Variants in SLC25A21 observed in about 807,000 individuals in gnomAD.
SLC25A21 encodes the protein solute carrier family 25 member 21, also known as mitochondrial 2-oxodicarboxylate carrier.
In SLC25A21, 47 loss-of-function variants were observed where a neutral mutation model predicts 43.8. That is an observed-to-expected ratio of 1.07 (90% CI 0.85 to 1.37). The LOEUF (loss-of-function observed/expected upper bound fraction) is 1.37. Ranked by LOEUF, SLC25A21 falls within the 40% of genes most tolerant of loss-of-function variation. SLC25A21 has a pLI of 0.00. For synonymous variants in SLC25A21, 131 were observed against 121.3 expected, an observed-to-expected ratio of 1.08 and a Z score of -0.52; for missense variants, 352 against 350.2, an observed-to-expected ratio of 1.00 and a Z score of -0.04.
intron 9 of SLC25A21, among the ~76,000 whole-genome samples, chr14:36,681,633 C>T (rs1379423410): frequency 2.7e-5 from 4 of 150,094 alleles, no homozygotes; most frequent in South Asian, 4.2e-4. Flanking sequence ...ATCCTGAACA[C>T]AACTTAGAGA....
intron 1 of SLC25A21, among the ~76,000 whole-genome samples, chr14:36,906,797 C>T (rs1212723317): frequency 2.0e-5 from 3 of 152,100 alleles, no homozygotes; most frequent in African/African-American, 7.2e-5. Flanking sequence ...GCCACCATGC[C>T]CGGCTGGGAA....
chr14:36,926,660 T>C (rs1467503203), intron 1 of SLC25A21, among the ~76,000 whole-genome samples: 1 of 152,148 alleles, frequency 6.6e-6, no homozygotes, highest in Admixed American at 6.6e-5. Context: ...TCAGTACATT[T>C]GGAAGAAATT....
intron 1 of SLC25A21, among the ~76,000 whole-genome samples, chr14:37,100,925 T>A (rs2138864230): frequency 6.6e-6 from 1 of 152,332 alleles, no homozygotes; most frequent in South Asian, 2.1e-4. Context: ...AACTTAGGGT[T>A]CAATAAATAT....
At chr14:36,705,943 C>A (rs1883539284) in intron 7 of SLC25A21, among the ~76,000 whole-genome samples, 1 of 152,182 alleles carries the variant, frequency 6.6e-6, no homozygotes, top group African/African-American at 2.4e-5. Context: ...GGGTTTATAA[C>A]AACTTGATGA....
At chr14:37,019,328 C>T (rs1960933843) in intron 1 of SLC25A21, among the ~76,000 whole-genome samples, 2 of 151,850 alleles carry the variant, frequency 1.3e-5, no homozygotes, top group African/African-American at 4.8e-5. Context: ...ATACGGCTGG[C>T]TCTTTCTTAT....
chr14:36,924,371 T>C (rs972932426), intron 1 of SLC25A21, among the ~76,000 whole-genome samples: 6 of 152,282 alleles, frequency 3.9e-5, no homozygotes, highest in African/African-American at 1.4e-4. Context: ...TTCATGTCCT[T>C]TGTAGGGACA....
intron 6 of SLC25A21, among the ~76,000 whole-genome samples, chr14:36,721,841 A>G (rs999643929): frequency 6.6e-6 from 1 of 152,228 alleles, no homozygotes; most frequent in African/African-American, 2.4e-5. Flanking sequence ...ACTTTTCTTT[A>G]AACTGTTCTA....
intron 1 of SLC25A21, among the ~76,000 whole-genome samples, chr14:37,059,737 G>T (rs1375357195): frequency 4.6e-5 from 7 of 152,092 alleles, no homozygotes; most frequent in Non-Finnish European, 8.8e-5. Flanking sequence ...GGATAAACAG[G>T]GTCTGGTGAC....
intron 1 of SLC25A21, among the ~76,000 whole-genome samples, chr14:36,974,727 T>C (rs1959830257): frequency 6.6e-6 from 1 of 152,064 alleles, no homozygotes; most frequent in Non-Finnish European, 1.5e-5. Context: ...CTATAATATA[T>C]ATGTCAAGTA....
chr14:36,715,898 C>A (rs1407732081), intron 6 of SLC25A21, among the ~76,000 whole-genome samples: 1 of 151,976 alleles, frequency 6.6e-6, no homozygotes, highest in Non-Finnish European at 1.5e-5. Flanking sequence ...GCGAGACCAG[C>A]TGGCCAATGT....
intron 1 of SLC25A21, among the ~76,000 whole-genome samples, chr14:37,038,525 A>G (rs1961377203): frequency 6.6e-6 from 1 of 152,130 alleles, no homozygotes; most frequent in Admixed American, 6.5e-5. Flanking sequence ...GTCTTTTAAG[A>G]GTTTTCTGTT....
chr14:37,141,885 T>C (rs1181109565), intron 1 of SLC25A21, among the ~76,000 whole-genome samples: 1 of 152,212 alleles, frequency 6.6e-6, no homozygotes, highest in Non-Finnish European at 1.5e-5. Context: ...TTCTCAATCT[T>C]GGCTGCACAT....
intron 2 of SLC25A21, among the ~76,000 whole-genome samples, chr14:36,869,381 T>C (rs1321193502): frequency 1.3e-5 from 2 of 149,166 alleles, no homozygotes; most frequent in Non-Finnish European, 3.0e-5. Flanking sequence ...GAAGTAACAG[T>C]GAATGTACAA....
At chr14:36,745,992 C>T (rs1181081638) in intron 3 of SLC25A21, among the ~76,000 whole-genome samples, 2 of 152,086 alleles carry the variant, frequency 1.3e-5, no homozygotes, top group Non-Finnish European at 2.9e-5. Flanking sequence ...GAGAACGCTT[C>T]TACACTGCTG....
At chr14:36,736,567 T>G (rs1343489650) in intron 3 of SLC25A21, among the ~76,000 whole-genome samples, 3 of 152,152 alleles carry the variant, frequency 2.0e-5, no homozygotes, top group Middle Eastern at 3.2e-3. Flanking sequence ...AGGTTATTAG[T>G]TCTGTTCTTT....
In SLC25A21 at chr14:36,680,078, A is replaced by AC. The variant is rs1491242994; in HGVS notation, c.*579dup. 5.7e-6 allele frequency: 5 copies of AC among 876,304 alleles called. No homozygotes were observed. In the East Asian group the frequency reaches 5.0e-4, roughly 87 times the overall value. The allele number at this position is 876,304 out of a possible 1,614,324, so 54.3% of individuals were successfully genotyped here. On this transcript the variant is annotated 3_prime_UTR_variant, in exon 10 of 10. Transcript: ENST00000331299. ...GATATGTGCATAGTTACTAAAAAAA[A>AC]CCAACAGATTTACATTTTAACATAG...
intron 1 of SLC25A21, among the ~76,000 whole-genome samples, chr14:37,090,346 G>A (rs1962561308): frequency 6.6e-6 from 1 of 152,250 alleles, no homozygotes; most frequent in Admixed American, 6.5e-5. Context: ...ACGGAATGAT[G>A]CAAGCAGCGC....
chr14:36,867,554 C>T (rs1890246887), intron 2 of SLC25A21, among the ~76,000 whole-genome samples: 1 of 152,144 alleles, frequency 6.6e-6, no homozygotes. Context: ...AACCAAGGCT[C>T]TTCTGCCCAG....
chr14:37,161,775 A>G (rs1963945109), intron 1 of SLC25A21, among the ~76,000 whole-genome samples: 1 of 151,842 alleles, frequency 6.6e-6, no homozygotes, highest in African/African-American at 2.4e-5. Context: ...GCTGGCTAAC[A>G]TGGTGAAACC....
Sources: allele counts gnomAD v4.1 joint callset (sites outside exome capture counted in the v4.1 genomes callset), GRCh38; gene constraint gnomAD v4.1.1; transcripts MANE v1.5; gene names NCBI Gene and HGNC (gene_info 2026-07-23, HGNC 2026-07-21).